The following BICC1 variants were observed in gnomAD, a reference collection of about 807,000 sequenced individuals.
BICC1 encodes BicC family RNA binding protein 1, also known as protein bicaudal C homolog 1.
A neutral mutation model predicts 111.0 loss-of-function variants in BICC1; 43 were observed. That is an observed-to-expected ratio of 0.39 (90% confidence interval 0.30 to 0.50). The LOEUF (loss-of-function observed/expected upper bound fraction) is 0.50. Among genes scored for constraint, BICC1 ranks in the 20% least tolerant of loss-of-function variants. The probability of loss-of-function intolerance (pLI) is 0.88; values close to 1 mark genes in which losing one functional copy is unlikely to be tolerated. For missense variants in BICC1, 1,091 were observed against 1,203.2 expected (o/e 0.91, Z 1.38); for synonymous variants, 467 against 434.4 (o/e 1.07, Z -0.93).
intron 15 of BICC1, 41 bp from the exon 16 acceptor site, chr10:58,806,543 G>A: frequency 1.3e-6 from 2 of 1,577,392 alleles, no homozygotes; most frequent in Non-Finnish European, 1.7e-6. Context: ...CATGACATTT[G>A]GAGAGACTGT....
chr10:58,796,561 C>T lies in BICC1; in HGVS notation c.1366+35C>T, dbSNP rs1232576426. On this transcript the variant is annotated intron_variant, in intron 10 of 20. Transcript: ENST00000373886. ...TTATTATTACAGCGCGTCTCAGTCA[C>T]TGGGGAAATGCTTGTCTGGTTCCCT... 3 of 1,565,738 alleles carry T rather than the reference C, an allele frequency of 1.9e-6. No homozygotes were observed. In the African/African-American group the frequency reaches 4.1e-5, roughly 21 times the overall value.
At chr10:58,618,084 G>T (rs139791849) in intron 1 of BICC1, among the ~76,000 whole-genome samples, 120 of 152,292 alleles carry the variant, frequency 7.9e-4, no homozygotes, top group African/African-American at 2.7e-3. Flanking sequence ...CTATGTGTTG[G>T]GCCTGAGTGT....
chr10:58,820,906 C>G (rs555575653), intron 20 of BICC1, among the ~76,000 whole-genome samples: 1 of 152,138 alleles, frequency 6.6e-6, no homozygotes, highest in Non-Finnish European at 1.5e-5. Context: ...CTGGTTGAAT[C>G]TGGCAGTGTT....
intron 1 of BICC1, among the ~76,000 whole-genome samples, chr10:58,524,834 G>T (rs1842487239): frequency 6.6e-6 from 1 of 152,150 alleles, no homozygotes; most frequent in African/African-American, 2.4e-5. Context: ...CTAATATCCA[G>T]AACCTACAAT....
chr10:58,593,757 A>G (rs937926135), intron 1 of BICC1, among the ~76,000 whole-genome samples: 9 of 152,222 alleles, frequency 5.9e-5, no homozygotes, highest in Non-Finnish European at 8.8e-5. Flanking sequence ...TAAATCCACA[A>G]AGATGGGTAG....
Position 58,642,226 on chromosome 10 carries a change from A to C in BICC1, c.237+21325A>C, listed in dbSNP as rs138864900. On this transcript the variant is annotated intron_variant, in intron 2 of 20. Transcript: ENST00000373886. ...TTGTGAGGTGTGAGTTAGGCTCTGC[A>C]CTTTCGGGGTGAATGAAAATGAACA... Among the ~76,000 whole-genome samples the C allele has an allele frequency of 2.5e-3, 380 of 152,308 alleles. 1 individual carries two copies. The highest frequency in any genetic ancestry group is 8.5e-3 in the African/African-American group (354 of 41,564).
In BICC1 at chr10:58,829,926, T is replaced by C. The variant is rs1029112181; in HGVS notation, c.*1035T>C. On this transcript the variant is annotated 3_prime_UTR_variant, in exon 21 of 21. Transcript: ENST00000373886. The stretch of plus-strand genomic sequence containing the variant: ...TAACTGGAGCCCGAGATTGTCACTT[T>C]ATTTAAAAAGACAAATAATCATCTG... 6.6e-6 allele frequency: 1 copy of C among 152,214 alleles called. No individual in the cohort carries two copies. 9.4% of individuals were successfully genotyped at this position (152,214 alleles called of 1,614,324 possible).
intron 2 of BICC1, 73 bp from the exon 3 acceptor site, chr10:58,702,001 T>G (rs999193870): frequency 3.6e-5 from 42 of 1,159,796 alleles, no homozygotes; most frequent in South Asian, 8.3e-5. Flanking sequence ...ATAAACTTTT[T>G]TGTGTGTGAA....
At chr10:58,697,124 G>A (rs1416617392) in intron 2 of BICC1, among the ~76,000 whole-genome samples, 1 of 152,224 alleles carries the variant, frequency 6.6e-6, no homozygotes, top group East Asian at 1.9e-4. Flanking sequence ...TTTGGGTGGG[G>A]AATGACCAGA....
intron 1 of BICC1, among the ~76,000 whole-genome samples, chr10:58,532,282 T>C (rs1649085): frequency 0.46 from 69,595 of 151,226 alleles, 17,066 homozygotes; most frequent in Admixed American, 0.62. Flanking sequence ...TCAAAAAGTT[T>C]GTGGACGGTA....
At chr10:58,745,597 C>A (rs1841807847) in intron 3 of BICC1, among the ~76,000 whole-genome samples, 1 of 56,768 alleles carries the variant, frequency 1.8e-5, no homozygotes, top group Non-Finnish European at 4.4e-5. Context: ...TAAGAGCCCC[C>A]CACCGCCCCC....
chr10:58,727,885 GAT>G (rs1303859174), intron 3 of BICC1, among the ~76,000 whole-genome samples: 1 of 152,116 alleles, frequency 6.6e-6, no homozygotes, highest in African/African-American at 2.4e-5. Context: ...GCATATAAAA[GAT>G]ATGTTTACAT....
At chr10:58,781,732 A>G (rs1242124233) in intron 3 of BICC1, among the ~76,000 whole-genome samples, 4 of 152,222 alleles carry the variant, frequency 2.6e-5, no homozygotes, top group Non-Finnish European at 5.9e-5. Flanking sequence ...TTTGAATTGT[A>G]AACTGTTAAC....
chr10:58,785,147 A>T (rs1456393611), intron 4 of BICC1, 67 bp downstream of exon 4: 1 of 879,920 alleles, frequency 1.1e-6, no homozygotes. Context: ...TCATGCCGTT[A>T]TGAAAGAACC....
rs1173142367 is a variant in BICC1, at chr10:58,613,390, T to C, written c.191-7465T>C. ...ATGAAGGAGTATCAGTGTCTAAGAT[T>C]GCAAAGACTCAATAGAAGTATTTTA... is the stretch of plus-strand genomic sequence containing the variant. On this transcript the variant is annotated intron_variant, in intron 1 of 20. Coordinates refer to ENST00000373886, the MANE Select transcript of BICC1 (RefSeq NM_001080512.3). Among the ~76,000 whole-genome samples, 6 of 152,196 alleles carry C rather than the reference T, an allele frequency of 3.9e-5. No homozygotes were observed. The South Asian group carries it at 8.3e-4, about 21-fold the overall frequency.
chr10:58,758,266 C>G (rs1842202449), intron 3 of BICC1, among the ~76,000 whole-genome samples: 1 of 152,160 alleles, frequency 6.6e-6, no homozygotes. Flanking sequence ...GTGTGTTTAG[C>G]ATGTGCCATA....
chr10:58,815,925 A>G (rs972094896), intron 18 of BICC1, among the ~76,000 whole-genome samples: 1 of 152,136 alleles, frequency 6.6e-6, no homozygotes, highest in Non-Finnish European at 1.5e-5. Flanking sequence ...CTGACAGAGC[A>G]TTTTCATTCC....
chr10:58,530,311 G>A (rs866035442), intron 1 of BICC1, among the ~76,000 whole-genome samples: 1 of 151,754 alleles, frequency 6.6e-6, no homozygotes, highest in Non-Finnish European at 1.5e-5. Flanking sequence ...TACTTCTGAG[G>A]ATGACTACTA....
chr10:58,797,435 C>T (rs188978626), intron 10 of BICC1, among the ~76,000 whole-genome samples: 2 of 152,186 alleles, frequency 1.3e-5, no homozygotes, highest in East Asian at 3.9e-4. Context: ...GATTGATTTT[C>T]CAAGTAGCCC....
Sources: allele counts gnomAD v4.1 joint callset (sites outside exome capture counted in the v4.1 genomes callset), GRCh38; gene constraint gnomAD v4.1.1; transcripts MANE v1.5; gene names NCBI Gene and HGNC (gene_info 2026-07-23, HGNC 2026-07-21).